The following MAPRE1 variants were observed in gnomAD, a reference collection of about 807,000 sequenced individuals.
MAPRE1 encodes microtubule associated protein RP/EB family member 1.
A neutral mutation model predicts 32.1 loss-of-function variants in MAPRE1; 5 were observed. The observed-to-expected ratio is 0.16, with a 90% CI of 0.08 to 0.33. MAPRE1 has a LOEUF of 0.33. MAPRE1 is among the 10% of genes least tolerant of loss of function. The pLI is 1.00. For synonymous variants in MAPRE1, 122 were observed against 118.9 expected (o/e 1.03, Z -0.17); for missense variants, 209 against 327.2 (o/e 0.64, Z 2.79).
chr20:32,845,548 C>T (rs77162194), intron 5 of MAPRE1, among the ~76,000 whole-genome samples: 5,351 of 152,088 alleles, frequency 0.035, 299 homozygotes, highest in African/African-American at 0.12. Flanking sequence ...TAAAGAGGGT[C>T]CTTTCTCCTG....
At chr20:32,838,771 A>G (rs1983270540) in intron 4 of MAPRE1, among the ~76,000 whole-genome samples, 3 of 152,234 alleles carry the variant, frequency 2.0e-5, no homozygotes, top group Admixed American at 6.5e-5. Context: ...CTTTGGGATA[A>G]ACGTGCTAGA....
At chr20:32,828,469 C>G (rs1982930538) in intron 2 of MAPRE1, among the ~76,000 whole-genome samples, 2 of 152,260 alleles carry the variant, frequency 1.3e-5, no homozygotes, top group African/African-American at 4.8e-5. Context: ...AGGTTTATCT[C>G]ATTCAGGCAG....
At chr20:32,820,405 G>A (rs1189767660) in intron 1 of MAPRE1, among the ~76,000 whole-genome samples, 1 of 152,144 alleles carries the variant, frequency 6.6e-6, no homozygotes, top group East Asian at 1.9e-4. Flanking sequence ...ATTGTGGGAG[G>A]CCGTGTTGCC....
intron 2 of MAPRE1, among the ~76,000 whole-genome samples, chr20:32,826,511 C>G (rs1254664814): frequency 7.1e-6 from 1 of 141,066 alleles, no homozygotes; most frequent in South Asian, 2.3e-4. Flanking sequence ...TGAGCCACCA[C>G]GCCCGGCCTT....
At chr20:32,829,876 C>T (rs575335242) in intron 2 of MAPRE1, among the ~76,000 whole-genome samples, 1 of 152,162 alleles carries the variant, frequency 6.6e-6, no homozygotes, top group East Asian at 1.9e-4. Flanking sequence ...CTGTAGTCTC[C>T]GTAGTTTGGA....
At chr20:32,827,670 G>T (rs911480016) in intron 2 of MAPRE1, among the ~76,000 whole-genome samples, 2 of 151,984 alleles carry the variant, frequency 1.3e-5, no homozygotes, top group African/African-American at 4.8e-5. Context: ...GCCGAGGCGG[G>T]TGGATCATGA....
intron 2 of MAPRE1, among the ~76,000 whole-genome samples, chr20:32,830,115 TCTC>T (rs768604447): frequency 6.6e-6 from 1 of 152,094 alleles, no homozygotes; most frequent in African/African-American, 2.4e-5. Flanking sequence ...GCTCTCCCCT[TCTC>T]CTCCTTGTCT....
chr20:32,831,781 C>T (rs1011395874), intron 2 of MAPRE1, among the ~76,000 whole-genome samples: 3 of 151,890 alleles, frequency 2.0e-5, no homozygotes, highest in Non-Finnish European at 2.9e-5. Context: ...GTGATCTGCC[C>T]GCCTTGGCCT....
chr20:32,831,462 G>C (rs1332653783), intron 2 of MAPRE1, among the ~76,000 whole-genome samples: 1 of 145,756 alleles, frequency 6.9e-6, no homozygotes, highest in Non-Finnish European at 1.5e-5. Context: ...ATAAGTTGTT[G>C]ACTTTTTTTT....
chr20:32,835,269 T>C (rs1983155668), intron 3 of MAPRE1, among the ~76,000 whole-genome samples: 1 of 152,278 alleles, frequency 6.6e-6, no homozygotes, highest in Non-Finnish European at 1.5e-5. Flanking sequence ...CTTCAGTGAT[T>C]TGAATACTTG....
chr20:32,833,626 A>G (rs1243208633), intron 2 of MAPRE1, 91 bp from the exon 3 acceptor site: 4 of 1,250,070 alleles, frequency 3.2e-6, no homozygotes, highest in Non-Finnish European at 1.1e-6. Flanking sequence ...CTACTTCACA[A>G]TTTTAAAAAT....
At chr20:32,829,667 T>G (rs1022449524) in intron 2 of MAPRE1, among the ~76,000 whole-genome samples, 1 of 145,726 alleles carries the variant, frequency 6.9e-6, no homozygotes, top group Non-Finnish European at 1.6e-5. Flanking sequence ...GGAATACATT[T>G]CTTCCTTGAG....
chr20:32,821,158 GGC>G (rs918175015), intron 1 of MAPRE1, among the ~76,000 whole-genome samples: 1 of 152,052 alleles, frequency 6.6e-6, no homozygotes, highest in African/African-American at 2.4e-5. Context: ...CGGGATTACA[GGC>G]GCGCGCCACC....
intron 5 of MAPRE1, among the ~76,000 whole-genome samples, chr20:32,842,877 G>A (rs933739916): frequency 1.3e-5 from 2 of 151,642 alleles, no homozygotes; most frequent in Non-Finnish European, 2.9e-5. Context: ...TCCCTGAGAG[G>A]GTGACCAGAA....
At chr20:32,821,729 A>G (rs1218783190) in intron 1 of MAPRE1, among the ~76,000 whole-genome samples, 1 of 152,180 alleles carries the variant, frequency 6.6e-6, no homozygotes, top group African/African-American at 2.4e-5. Flanking sequence ...CACTTTACAT[A>G]GGGCTTATTG....
chr20:32,841,609 C>T (rs1227076194), intron 5 of MAPRE1, among the ~76,000 whole-genome samples: 1 of 120,752 alleles, frequency 8.3e-6, no homozygotes, highest in Non-Finnish European at 1.7e-5. Flanking sequence ...AATGCTATCC[C>T]TCCCCCCTCC....
At chr20:32,844,439 C>CTTTTTTTTTTTTTTTTTTT (rs71190880) in intron 5 of MAPRE1, among the ~76,000 whole-genome samples, 13 of 52,050 alleles carry the variant, frequency 2.5e-4, no homozygotes, top group Non-Finnish European at 3.0e-4. Flanking sequence ...GCTAGCATTC[C>CTTTTTTTTTTTTTTTTTTT]TTTTTTTTTT....
intron 2 of MAPRE1, among the ~76,000 whole-genome samples, chr20:32,832,016 C>T (rs905454535): frequency 1.3e-5 from 2 of 151,404 alleles, no homozygotes; most frequent in East Asian, 3.9e-4. Context: ...AAATCAGTCA[C>T]CTCAGAAATC....
In MAPRE1 at chr20:32,839,402, A is replaced by G. The variant is rs565873537; in HGVS notation, c.476-333A>G. ...TTGTGGATTTGGTCAGAGCTGGGTT[A>G]AGGTGGATCATCTCTGTGCACCAGA... On this transcript the variant is annotated intron_variant, in intron 4 of 6. Transcript: ENST00000375571. Among the ~76,000 whole-genome samples, 8 of 152,362 alleles carry G rather than the reference A, an allele frequency of 5.3e-5. No homozygotes were observed. The South Asian group carries it at 6.2e-4, about 12-fold the overall frequency.
Sources: allele counts gnomAD v4.1 joint callset (sites outside exome capture counted in the v4.1 genomes callset), GRCh38; gene constraint gnomAD v4.1.1; transcripts MANE v1.5; gene names NCBI Gene and HGNC (gene_info 2026-07-23, HGNC 2026-07-21).